Variants in MDFIC2 observed in about 807,000 individuals in gnomAD.
MDFIC2 encodes the protein myoD family inhibitor domain-containing protein 2.
chr3:70,279,974 A>G (rs1294713284), intron 2 of MDFIC2, among the ~76,000 whole-genome samples: 1 of 152,194 alleles, frequency 6.6e-6, no homozygotes, highest in Non-Finnish European at 1.5e-5. Context: ...GGTTGCTGTA[A>G]CAAAGTACAA....
chr3:70,307,321 C>G (rs7631182), intron 2 of MDFIC2, among the ~76,000 whole-genome samples: 59,760 of 151,686 alleles, frequency 0.39, 12,159 homozygotes, highest in South Asian at 0.56. Context: ...ATCGTGTGCA[C>G]TTCAAACGCT....
At position 70,194,718 on chromosome 3, in the gene MDFIC2, A is replaced by G. The variant is rs889782574; in HGVS notation, c.*2208T>C. Among the ~76,000 whole-genome samples, 1 of 152,204 alleles carries G rather than the reference A, an allele frequency of 6.6e-6. No individual in the cohort carries two copies. Among genetic ancestry groups the G allele is most frequent in the Non-Finnish European group, 1.5e-5 (1 of 68,040 alleles). On this transcript the variant is annotated 3_prime_UTR_variant, in exon 4 of 4. Coordinates refer to ENST00000567252, the MANE Select transcript of MDFIC2 (RefSeq NM_001364677.1). The stretch of plus-strand genomic sequence containing the variant: ...ATTCAATTCACATTTGAAATGCACA[A>G]TCTTTGCATAATTTGAGGGTATGTA...
intron 2 of MDFIC2, among the ~76,000 whole-genome samples, chr3:70,268,973 C>A (rs1701950166): frequency 6.6e-6 from 1 of 151,970 alleles, no homozygotes; most frequent in Non-Finnish European, 1.5e-5. Context: ...CAGGAAAAAT[C>A]TTAACCTTCT....
At chr3:70,306,165 G>A (rs113020290) in intron 2 of MDFIC2, among the ~76,000 whole-genome samples, 49 of 152,200 alleles carry the variant, frequency 3.2e-4, no homozygotes, top group Admixed American at 7.2e-4. Flanking sequence ...GTGCAATGGC[G>A]TGGTCTCAGC....
intron 2 of MDFIC2, chr3:70,283,510 C>G (rs1377583033): frequency 6.6e-6 from 1 of 152,102 alleles, no homozygotes. Context: ...AGGTCAGTCT[C>G]AGAACTAGAC....
intron 3 of MDFIC2, chr3:70,205,916 C>T (rs1410761447): frequency 6.6e-6 from 1 of 151,856 alleles, no homozygotes; most frequent in Admixed American, 6.6e-5. Flanking sequence ...AGTAAAATTC[C>T]ATATCTTGGT....
intron 2 of MDFIC2, among the ~76,000 whole-genome samples, chr3:70,219,974 C>T (rs1016101925): frequency 1.1e-4 from 17 of 151,934 alleles, no homozygotes; most frequent in Non-Finnish European, 4.4e-5. Flanking sequence ...TGCTCCACTG[C>T]CTAAAATTTA....
intron 2 of MDFIC2, among the ~76,000 whole-genome samples, chr3:70,263,559 T>C (rs1375120045): frequency 6.6e-6 from 1 of 152,192 alleles, no homozygotes; most frequent in South Asian, 2.1e-4. Context: ...GACAGATCTC[T>C]AGTAGTTGTT....
intron 3 of MDFIC2, chr3:70,205,106 C>T (rs1328834371): frequency 6.6e-6 from 1 of 151,952 alleles, no homozygotes; most frequent in African/African-American, 2.4e-5. Context: ...GTTGGGAGTA[C>T]CTTGAGCTTT....
chr3:70,307,877 C>A (rs1026500622), intron 2 of MDFIC2, among the ~76,000 whole-genome samples: 1 of 152,160 alleles, frequency 6.6e-6, no homozygotes, highest in African/African-American at 2.4e-5. Flanking sequence ...AATAATCAGC[C>A]AATATGCCCA....
At chr3:70,256,863 C>T (rs1233998419) in intron 2 of MDFIC2, among the ~76,000 whole-genome samples, 21 of 152,142 alleles carry the variant, frequency 1.4e-4, no homozygotes, top group Non-Finnish European at 7.3e-5. Context: ...CAACTAGAAG[C>T]TTAAATAAAC....
intron 3 of MDFIC2, among the ~76,000 whole-genome samples, chr3:70,198,140 T>C (rs930056660): frequency 6.6e-6 from 1 of 152,162 alleles, no homozygotes; most frequent in South Asian, 2.1e-4. Flanking sequence ...TGTGATATAT[T>C]ACCTAATTAA....
At chr3:70,279,535 T>C (rs1246826126) in intron 2 of MDFIC2, among the ~76,000 whole-genome samples, 1 of 152,170 alleles carries the variant, frequency 6.6e-6, no homozygotes, top group Non-Finnish European at 1.5e-5. Context: ...TCTTGCCAAA[T>C]GTGTCACCCC....
chr3:70,287,837 T>C (rs1702183397), intron 2 of MDFIC2, among the ~76,000 whole-genome samples: 1 of 151,810 alleles, frequency 6.6e-6, no homozygotes, highest in East Asian at 1.9e-4. Context: ...TTTTCTAGTT[T>C]ATTTGCGTAG....
At chr3:70,294,386 T>C (rs2106696041) in intron 2 of MDFIC2, among the ~76,000 whole-genome samples, 1 of 152,222 alleles carries the variant, frequency 6.6e-6, no homozygotes, top group African/African-American at 2.4e-5. Context: ...TTTATAAGCA[T>C]TCACTGCTGA....
intron 2 of MDFIC2, among the ~76,000 whole-genome samples, chr3:70,268,050 CCTTCTT>C: frequency 6.6e-6 from 1 of 150,422 alleles, no homozygotes; most frequent in South Asian, 2.1e-4. Context: ...TCCTCCTCCT[CCTTCTT>C]CTCCAATATT....
intron 2 of MDFIC2, among the ~76,000 whole-genome samples, chr3:70,237,961 A>G (rs1701627103): frequency 7.4e-6 from 1 of 134,362 alleles, no homozygotes; most frequent in South Asian, 2.5e-4. Context: ...AAGGGAAAAG[A>G]AACTAATTGA....
chr3:70,294,981 A>C (rs2106696549), intron 2 of MDFIC2, among the ~76,000 whole-genome samples: 1 of 152,326 alleles, frequency 6.6e-6, no homozygotes, highest in South Asian at 2.1e-4. Context: ...AAAAACCTTT[A>C]CTAGAAGCCC....
Position 70,247,280 on chromosome 3 carries a change from C to A in MDFIC2, c.89-40490G>T, listed in dbSNP as rs930120227. ...AGCAGATGCAAGGTGAAATTTGACA[C>A]CTTCCTATCAGTAAGTTATAGGCTG... On this transcript the variant is annotated intron_variant, in intron 2 of 3. Transcript: ENST00000567252. Among the ~76,000 whole-genome samples the A allele has an allele frequency of 2.0e-5, 3 of 151,918 alleles. No homozygotes were observed. In the East Asian group the frequency reaches 5.8e-4, roughly 29 times the overall value.
Sources: gnomAD v4.1 joint callset for allele counts (sites outside exome capture counted in the v4.1 genomes callset) on GRCh38, gnomAD v4.1.1 for gene constraint, MANE v1.5 for transcripts, NCBI Gene and HGNC (gene_info 2026-07-23, HGNC 2026-07-21) for gene names.